Variants in ADAMTS2 observed in about 807,000 individuals in gnomAD.
The protein encoded by ADAMTS2 is A disintegrin and metalloproteinase with thrombospondin motifs 2.
ADAMTS2 carries 50 observed loss-of-function variants against 123.0 expected under a neutral mutation model. The ratio of observed to expected loss-of-function variants is 0.41; its 90% CI spans 0.32 to 0.51. ADAMTS2 has a LOEUF of 0.51. ADAMTS2 is among the 20% of genes least tolerant of loss of function. The pLI, the probability that ADAMTS2 is intolerant of heterozygous loss-of-function variation, is 0.35. For missense variants in ADAMTS2, 1,494 were observed against 1,705.2 expected, an observed-to-expected ratio of 0.88 and a Z score of 2.18; for synonymous variants, 678 against 695.4, an observed-to-expected ratio of 0.98 and a Z score of 0.39.
chr5:179,304,313 A>G (rs1266844617), intron 2 of ADAMTS2, among the ~76,000 whole-genome samples: 1 of 152,238 alleles, frequency 6.6e-6, no homozygotes, highest in Non-Finnish European at 1.5e-5. Flanking sequence ...ATTACTTGGC[A>G]TACCAAGAAC....
intron 2 of ADAMTS2, among the ~76,000 whole-genome samples, chr5:179,315,571 C>A (rs1756968924): frequency 6.6e-6 from 1 of 152,254 alleles, no homozygotes; most frequent in African/African-American, 2.4e-5. Flanking sequence ...ACAGTCTCCA[C>A]CTCCGGGGAC....
intron 4 of ADAMTS2, among the ~76,000 whole-genome samples, chr5:179,196,667 G>A (rs1215967616): frequency 6.6e-6 from 1 of 152,234 alleles, no homozygotes; most frequent in African/African-American, 2.4e-5. Flanking sequence ...CTGATGTAGT[G>A]AAAGGCACAT....
intron 2 of ADAMTS2, among the ~76,000 whole-genome samples, chr5:179,330,119 C>T (rs371034482): frequency 2.3e-5 from 3 of 129,340 alleles, no homozygotes; most frequent in African/African-American, 8.8e-5. Flanking sequence ...GGCGACAGAG[C>T]GAGACTCCGT....
chr5:179,128,902 C>T lies in ADAMTS2; in HGVS notation c.2458-784G>A, dbSNP rs1762910411. 1.3e-5 allele frequency among the ~76,000 whole-genome samples: 2 copies of T among 152,034 alleles called. No homozygotes were observed. The highest frequency in any genetic ancestry group is 4.8e-5 in the African/African-American group (2 of 41,368). ...AGGGTGATTTTCAACAGCGAAATCG[C>T]CCCCAAAATAGCACAAAATGTGATG... On this transcript the variant is annotated intron_variant, in intron 16 of 21. Transcript: ENST00000251582. The surrounding 1 kb of genome is among the most constrained non-coding windows in gnomAD (Gnocchi z 4.9).
intron 3 of ADAMTS2, among the ~76,000 whole-genome samples, chr5:179,218,741 C>A (rs389558): frequency 2.0e-5 from 3 of 152,046 alleles, no homozygotes; most frequent in African/African-American, 4.8e-5. Context: ...TAAACTCCCA[C>A]GGGATGGGCT....
At chr5:179,157,317 G>C (rs1763492767) in intron 6 of ADAMTS2, among the ~76,000 whole-genome samples, 1 of 151,958 alleles carries the variant, frequency 6.6e-6, no homozygotes, top group African/African-American at 2.4e-5. Flanking sequence ...CCCCTCCTAG[G>C]GGATAGCTCT....
rs1006605219 is a variant in ADAMTS2, at chr5:179,225,895, G to A, written c.689-18180C>T. 6.6e-6 allele frequency among the ~76,000 whole-genome samples: 1 copy of A among 152,210 alleles called. No homozygotes were observed. The highest frequency in any genetic ancestry group is 1.5e-5 in the Non-Finnish European group (1 of 68,034). On this transcript the variant is annotated intron_variant, in intron 3 of 21. Coordinates refer to ENST00000251582, the MANE Select transcript of ADAMTS2 (RefSeq NM_014244.5). This position sits in a 1 kb window ranked among gnomAD's most constrained non-coding sequence, Gnocchi z 4.5. ...CCCTCTGTCCTTGCGACAAGGTAGA[G>A]GGTCTAACTGAGCTGGTTAACACAA...
intron 19 of ADAMTS2, among the ~76,000 whole-genome samples, chr5:179,124,508 AC>A (rs761233050): frequency 6.6e-6 from 1 of 152,120 alleles, no homozygotes; most frequent in Non-Finnish European, 1.5e-5. Flanking sequence ...AGCCCGGGCT[AC>A]CCTCAGTTTC....
chr5:179,284,405 A>G (rs1414903032), intron 2 of ADAMTS2, among the ~76,000 whole-genome samples: 1 of 152,028 alleles, frequency 6.6e-6, no homozygotes, highest in African/African-American at 2.4e-5. Flanking sequence ...TTTTGGAGAC[A>G]GTGTCTTGTT....
chr5:179,122,945 C>A, intron 19 of ADAMTS2, 172 bp from the exon 20 acceptor site: 1 of 916,424 alleles, frequency 1.1e-6, no homozygotes, highest in Non-Finnish European at 1.7e-6. Flanking sequence ...GGGGCAGCCC[C>A]AATCTCCTGG....
chr5:179,298,007 C>T (rs186204201), intron 2 of ADAMTS2, among the ~76,000 whole-genome samples: 287 of 152,144 alleles, frequency 1.9e-3, no homozygotes, highest in African/African-American at 6.7e-3. Context: ...CCCAGGGCCC[C>T]GGGGACCTCC....
At position 179,158,825 on chromosome 5, in the gene ADAMTS2, G is replaced by A. The variant is rs751283120; in HGVS notation, c.1030C>T (p.Arg344Cys). The A allele has an allele frequency of 1.9e-5, 30 of 1,614,052 alleles. No individual in the cohort carries two copies. The highest frequency in any genetic ancestry group is 1.0e-4 in the Admixed American group (6 of 60,016). Reference protein sequence around the residue: ...NPSQSLENVCRWAYLQQKPDT... With the variant: ...NPSQSLENVCCWAYLQQKPDT... ...GGCTTCTGCTGGAGGTAGGCCCAGC[G>A]GCAGACATTCTCCAGGCTCTGAGAG... Residue 344 changes from arginine (R) to cysteine (C), a missense_variant, in exon 6 of 22, where the codon CGC becomes TGC. Arg to Cys is a radical substitution (Grantham distance 180, BLOSUM62 -3). Coordinates refer to ENST00000251582, the MANE Select transcript of ADAMTS2 (RefSeq NM_014244.5). The surrounding 1 kb of genome is among the most constrained non-coding windows in gnomAD (Gnocchi z 5.0).
At chr5:179,341,422 T>G in intron 2 of ADAMTS2, 1 of 320,974 alleles carries the variant, frequency 3.1e-6, no homozygotes, top group Non-Finnish European at 6.1e-6. Flanking sequence ...GAAAAGAGGC[T>G]GGGCGCAGTG....
intron 3 of ADAMTS2, among the ~76,000 whole-genome samples, chr5:179,222,101 G>A (rs530496803): frequency 6.6e-6 from 1 of 152,208 alleles, no homozygotes; most frequent in South Asian, 2.1e-4. Flanking sequence ...CCTCCCATTT[G>A]TCTTCCTGTG....
chr5:179,296,315 C>A (rs1756329576), intron 2 of ADAMTS2, among the ~76,000 whole-genome samples: 1 of 151,958 alleles, frequency 6.6e-6, no homozygotes, highest in African/African-American at 2.4e-5. Context: ...AGGGGCAATG[C>A]CGGGGCCTGT....
intron 1 of ADAMTS2, among the ~76,000 whole-genome samples, chr5:179,344,581 C>T (rs1207987479): frequency 6.6e-6 from 1 of 152,238 alleles, no homozygotes; most frequent in Non-Finnish European, 1.5e-5. Flanking sequence ...GTGCCACGAC[C>T]CCTCGGCGGG....
Position 179,285,778 on chromosome 5 carries a change from A to G in ADAMTS2, c.535-12714T>C, listed in dbSNP as rs537976420. ...AAAGAAGAAAAATGACTCGTGCTGC[A>G]GGAACATTTGCCAAACTATCAAAAA... On this transcript the variant is annotated intron_variant, in intron 2 of 21. Coordinates refer to ENST00000251582, the MANE Select transcript of ADAMTS2 (RefSeq NM_014244.5). The surrounding 1 kb of genome is among the most constrained non-coding windows in gnomAD (Gnocchi z 4.9). Among the ~76,000 whole-genome samples, 80 of 152,382 alleles carry G rather than the reference A, an allele frequency of 5.2e-4. 1 individual carries two copies. The South Asian group carries it at 0.015, about 29-fold the overall frequency.
chr5:179,256,191 G>A lies in ADAMTS2; in HGVS notation c.688+16720C>T, dbSNP rs1766047443. Among the ~76,000 whole-genome samples the A allele has an allele frequency of 6.6e-6, 1 of 152,226 alleles. No individual in the cohort carries two copies. The highest frequency in any genetic ancestry group is 2.1e-4 in the South Asian group (1 of 4,830). Reference sequence around the variant, plus strand: ...TGGGAGCACAGGTGCCTTTCGCACAGGGCCCAGCAGCCAGCTCAGCCCACA... The same window carrying A: ...TGGGAGCACAGGTGCCTTTCGCACAAGGCCCAGCAGCCAGCTCAGCCCACA... On this transcript the variant is annotated intron_variant, in intron 3 of 21. Coordinates refer to ENST00000251582, the MANE Select transcript of ADAMTS2 (RefSeq NM_014244.5). The surrounding 1 kb of genome is among the most constrained non-coding windows in gnomAD (Gnocchi z 4.1).
chr5:179,240,012 A>G (rs1765625748), intron 3 of ADAMTS2, among the ~76,000 whole-genome samples: 1 of 152,152 alleles, frequency 6.6e-6, no homozygotes, highest in Non-Finnish European at 1.5e-5. Flanking sequence ...AGACACAGTG[A>G]GAGGAGAGGA....
Sources: allele counts gnomAD v4.1 joint callset (sites outside exome capture counted in the v4.1 genomes callset), GRCh38; gene constraint gnomAD v4.1.1; non-coding constraint Gnocchi (gnomAD v3.1); transcripts MANE v1.5; gene names NCBI Gene and HGNC (gene_info 2026-07-23, HGNC 2026-07-21).